Variants in ATP8B1 observed in about 807,000 individuals in gnomAD.
ATP8B1 encodes ATPase phospholipid transporting 8B1.
ATP8B1 carries 80 observed loss-of-function variants against 149.9 expected under a neutral mutation model. The ratio of observed to expected loss-of-function variants is 0.53; its 90% CI spans 0.45 to 0.64. The LOEUF (loss-of-function observed/expected upper bound fraction) is 0.64, where lower values mean the gene tolerates loss of function less well. Among genes scored for constraint, ATP8B1 ranks in the 30% least tolerant of loss-of-function variants. The pLI is 0.00. For missense variants in ATP8B1, 1,247 were observed against 1,552.6 expected (o/e 0.80, Z 3.31); for synonymous variants, 536 against 562.8 (o/e 0.95, Z 0.67).
Position 57,654,104 on chromosome 18 carries a change from C to T in ATP8B1, c.2932-29G>A, listed in dbSNP as rs533712501. ...TGAGGGGATGACAGAGGCTCCATGT[C>T]ACCAACAAAGACACATGCCAGCCTA... On this transcript the variant is annotated intron_variant, in intron 23 of 27. Coordinates refer to ENST00000648908, the MANE Select transcript of ATP8B1 (RefSeq NM_001374385.1). 6.7e-5 allele frequency: 106 copies of T among 1,575,358 alleles called. 1 individual carries two copies. The South Asian group carries it at 1.1e-3, about 17-fold the overall frequency.
At chr18:57,651,876 C>T (rs1909642147) in intron 26 of ATP8B1, among the ~76,000 whole-genome samples, 158 bp downstream of exon 26, 1 of 152,082 alleles carries the variant, frequency 6.6e-6, no homozygotes, top group Non-Finnish European at 1.5e-5. Context: ...TCAAGCAATC[C>T]ACTTGCCTCG....
intron 2 of ATP8B1, among the ~76,000 whole-genome samples, chr18:57,720,059 C>T (rs1263249461): frequency 1.3e-5 from 2 of 151,870 alleles, no homozygotes; most frequent in Non-Finnish European, 2.9e-5. Context: ...GGAAAACTAA[C>T]AAACAGAAAG....
intron 22 of ATP8B1, among the ~76,000 whole-genome samples, chr18:57,656,207 A>C (rs1909983547): frequency 6.6e-6 from 1 of 151,988 alleles, no homozygotes; most frequent in Non-Finnish European, 1.5e-5. Flanking sequence ...CCCTGTATGA[A>C]TCTTTTCTTG....
rs1342566917 is a variant in ATP8B1 at position 57,674,928 on chromosome 18, G to A, written c.1725C>T (p.Asn575=). The A allele has an allele frequency of 1.9e-6, 3 of 1,614,254 alleles. No individual in the cohort carries two copies. The highest frequency in any genetic ancestry group is 2.5e-6 in the Non-Finnish European group (3 of 1,180,036). ...TGCCCAGTTCACTGATGGTGATGGT[G>A]TTCTGGGTCCTGGCGAGGAAGGCAA... The part of the protein sequence containing the change: ...FGFAFLARTQ[N]TITISELGTE... Residue 575 remains asparagine, a synonymous_variant, in exon 16 of 28, where the codon AAC becomes AAT. Coordinates refer to ENST00000648908, the MANE Select transcript of ATP8B1 (RefSeq NM_001374385.1).
chr18:57,779,341 G>A (rs1478648617), intron 1 of ATP8B1, among the ~76,000 whole-genome samples: 31 of 151,766 alleles, frequency 2.0e-4, no homozygotes, highest in Non-Finnish European at 3.8e-4. Flanking sequence ...GAAGAAGAAG[G>A]AGAAGGAGAA....
chr18:57,742,458 A>G (rs2079924359), intron 1 of ATP8B1, among the ~76,000 whole-genome samples: 2 of 152,112 alleles, frequency 1.3e-5, no homozygotes, highest in Non-Finnish European at 2.9e-5. Context: ...ATCTTTACAT[A>G]TGATAGAAAA....
intron 1 of ATP8B1, among the ~76,000 whole-genome samples, chr18:57,775,644 T>G (rs1439783433): frequency 7.8e-3 from 2 of 258 alleles, no homozygotes; most frequent in Non-Finnish European, 0.022. Context: ...CTGGCCATGT[T>G]TTTTTTTTTT....
rs34221682 is a variant in ATP8B1, at chr18:57,695,460, A to G, written c.771T>C (p.Ala257=). 7.1e-5 allele frequency: 114 copies of G among 1,611,822 alleles called. 4 individuals are homozygous for G. The highest frequency in any genetic ancestry group is 7.4e-5 in the Non-Finnish European group (87 of 1,178,032). ...DQYLQREDTL[A]TFDGFIECEE... is the part of the protein sequence containing the mutation. ...ATGTTTGGTACAAACCATCAAATGT[A>G]GCCAATGTATCTTCTCTTTGGAGGT... is the stretch of plus-strand genomic sequence containing the variant. The change falls in exon 9 of 28, where the codon GCT becomes GCC. Residue 257 remains alanine, a synonymous_variant. Coordinates refer to ENST00000648908, the MANE Select transcript of ATP8B1 (RefSeq NM_001374385.1).
At chr18:57,744,427 A>G (rs1438931300) in intron 1 of ATP8B1, among the ~76,000 whole-genome samples, 1 of 151,882 alleles carries the variant, frequency 6.6e-6, no homozygotes, top group East Asian at 1.9e-4. Context: ...AAATGAAGGA[A>G]AAAAAAAGTA....
At chr18:57,726,532 T>C (rs2079710766) in intron 2 of ATP8B1, among the ~76,000 whole-genome samples, 1 of 152,112 alleles carries the variant, frequency 6.6e-6, no homozygotes, top group African/African-American at 2.4e-5. Context: ...AGAGAGTTTG[T>C]AAAAATTCCA....
At chr18:57,736,323 T>C (rs998135911) in intron 1 of ATP8B1, among the ~76,000 whole-genome samples, 10 of 152,332 alleles carry the variant, frequency 6.6e-5, no homozygotes, top group Middle Eastern at 3.4e-3. Flanking sequence ...TTTAGTTTAA[T>C]ATAGTCCTAT....
At chr18:57,773,200 T>TAAAAAAAAAA (rs530739448) in intron 1 of ATP8B1, among the ~76,000 whole-genome samples, 3 of 125,558 alleles carry the variant, frequency 2.4e-5, no homozygotes, top group Non-Finnish European at 3.2e-5. Flanking sequence ...AGACTCTGTC[T>TAAAAAAAAAA]TAAAAAAAAA....
chr18:57,665,334 C>T (rs569851786), intron 20 of ATP8B1, among the ~76,000 whole-genome samples: 2 of 152,210 alleles, frequency 1.3e-5, no homozygotes, highest in Non-Finnish European at 2.9e-5. Flanking sequence ...TAAAGGTAAA[C>T]TCAGCTAAGG....
intron 21 of ATP8B1, 96 bp downstream of exon 21, chr18:57,662,387 T>G: frequency 6.7e-7 from 1 of 1,491,044 alleles, no homozygotes; most frequent in East Asian, 2.3e-5. Context: ...TAAGAGACTT[T>G]TAGGTTGGCA....
Position 57,760,748 on chromosome 18 carries a change from T to C in ATP8B1, c.-25-28916A>G, listed in dbSNP as rs550850115. 3.3e-5 allele frequency among the ~76,000 whole-genome samples: 5 copies of C among 152,266 alleles called. No individual in the cohort carries two copies. The East Asian group carries it at 9.7e-4, about 29-fold the overall frequency. On this transcript the variant is annotated intron_variant, in intron 1 of 27. Transcript: ENST00000648908. ...GCTCACGCCCATAATCCCAGCACCT[T>C]GGGAGGCCGAGGTGGGTGGATCATG... is the stretch of plus-strand genomic sequence containing the variant.
At chr18:57,730,981 C>T (rs144611658) in intron 2 of ATP8B1, among the ~76,000 whole-genome samples, 3 of 152,130 alleles carry the variant, frequency 2.0e-5, no homozygotes, top group East Asian at 1.9e-4. Flanking sequence ...GATTCTTGCC[C>T]GCATAACTCC....
intron 2 of ATP8B1, among the ~76,000 whole-genome samples, chr18:57,711,517 T>G (rs1403480422): frequency 1.3e-5 from 2 of 152,230 alleles, no homozygotes; most frequent in African/African-American, 2.4e-5. Flanking sequence ...GAAGCAAGTT[T>G]GCAAGCATTC....
chr18:57,753,152 G>A (rs2080039174), intron 1 of ATP8B1, among the ~76,000 whole-genome samples: 1 of 152,186 alleles, frequency 6.6e-6, no homozygotes, highest in Non-Finnish European at 1.5e-5. Context: ...TGTCAACAAG[G>A]GAAGAGAGAA....
At chr18:57,776,248 G>C (rs369310164) in intron 1 of ATP8B1, among the ~76,000 whole-genome samples, 69 of 152,224 alleles carry the variant, frequency 4.5e-4, no homozygotes, top group African/African-American at 1.6e-3. Flanking sequence ...GCATTCAGCT[G>C]AGTTCTGTCC....
Sources: gnomAD v4.1 joint callset for allele counts (sites outside exome capture counted in the v4.1 genomes callset) on GRCh38, gnomAD v4.1.1 for gene constraint, MANE v1.5 for transcripts, NCBI Gene and HGNC (gene_info 2026-07-23, HGNC 2026-07-21) for gene names.